RTL4: variants seen among roughly 807,000 people sequenced by gnomAD.
RTL4 encodes retrotransposon Gag like 4.
A neutral mutation model predicts 5.3 loss-of-function variants in RTL4; 4 were observed. That is an observed-to-expected ratio of 0.75 (90% CI 0.37 to 1.72). RTL4 has a LOEUF of 1.72. Among genes scored for constraint, RTL4 ranks in the 40% most tolerant of loss-of-function variants. The pLI, the probability that RTL4 is intolerant of heterozygous loss-of-function variation, is 0.04. For synonymous variants in RTL4, 98 were observed against 87.3 expected (o/e 1.12, Z -0.68); for missense variants, 260 against 227.1 (o/e 1.14, Z -0.93).
At chrX:112,416,824 T>C in the RTL4 span, among the ~76,000 whole-genome samples, 1 of 112,130 alleles carries the variant, frequency 8.9e-6, no homozygotes, top group Non-Finnish European at 1.9e-5. Context: ...AATCAGTACC[T>C]GTGTTTTGTA....
At chrX:112,215,406 C>A in the RTL4 span, among the ~76,000 whole-genome samples, 1 of 112,015 alleles carries the variant, frequency 8.9e-6, no homozygotes, top group Non-Finnish European at 1.9e-5. Context: ...AATGCCTATT[C>A]AGTTCCTTTG....
At chrX:112,325,885 T>G in the RTL4 span, among the ~76,000 whole-genome samples, 1 of 111,428 alleles carries the variant, frequency 9.0e-6, no homozygotes, top group Admixed American at 9.6e-5. Flanking sequence ...TGGGAGAAAA[T>G]GTTTGCAACC....
chrX:112,326,540 G>A, the RTL4 span, among the ~76,000 whole-genome samples: 3 of 112,027 alleles, frequency 2.7e-5, no homozygotes, highest in Non-Finnish European at 5.6e-5. Flanking sequence ...TAGCACAGCA[G>A]TCTCAGATCA....
At chrX:112,257,632 G>T in the RTL4 span, among the ~76,000 whole-genome samples, 3 of 109,206 alleles carry the variant, frequency 2.7e-5, no homozygotes, top group South Asian at 1.2e-3. Flanking sequence ...TTTGTTGCTG[G>T]GTCCTCAACT....
chrX:112,240,067 C>A, the RTL4 span, among the ~76,000 whole-genome samples: 5 of 111,857 alleles, frequency 4.5e-5, no homozygotes, highest in South Asian at 1.5e-3. Context: ...CATTAACAAA[C>A]CTTTTTAAAA....
At chrX:112,130,155 G>C in the RTL4 span, among the ~76,000 whole-genome samples, 1 of 111,217 alleles carries the variant, frequency 9.0e-6, no homozygotes, top group African/African-American at 3.3e-5. Flanking sequence ...ACATGGAAAT[G>C]TAAAGGGCCT....
At chrX:112,093,727 T>C in the RTL4 span, among the ~76,000 whole-genome samples, 1,485 of 112,076 alleles carry the variant, frequency 0.013, 38 homozygotes, top group African/African-American at 0.045. Flanking sequence ...CTGGAAAAAC[T>C]TTCCTACCAA....
chrX:112,336,546 T>G, the RTL4 span, among the ~76,000 whole-genome samples: 2 of 112,265 alleles, frequency 1.8e-5, no homozygotes, highest in Non-Finnish European at 3.8e-5. Context: ...ATGTTTTGCC[T>G]AAATTATTTA....
chrX:112,253,287 T>C, the RTL4 span, among the ~76,000 whole-genome samples: 26,487 of 110,649 alleles, frequency 0.24, 3,011 homozygotes, highest in African/African-American at 0.45. Context: ...AGCTGTTCAC[T>C]GTTTCATTGA....
chrX:112,347,069 G>T, the RTL4 span, among the ~76,000 whole-genome samples: 1 of 111,780 alleles, frequency 8.9e-6, no homozygotes. Flanking sequence ...CCCGTCTGAA[G>T]TCTGGCTTTG....
chrX:112,394,848 G>A, the RTL4 span, among the ~76,000 whole-genome samples: 1 of 111,916 alleles, frequency 8.9e-6, no homozygotes, highest in Non-Finnish European at 1.9e-5. Flanking sequence ...TTTATGGTTA[G>A]TATTAAATTT....
the RTL4 span, among the ~76,000 whole-genome samples, chrX:112,234,776 C>T: frequency 8.9e-6 from 1 of 111,798 alleles, no homozygotes; most frequent in Admixed American, 9.5e-5. Flanking sequence ...AGCATCACTC[C>T]CCTCCCAGTA....
chrX:112,089,756 A>T, the RTL4 span, among the ~76,000 whole-genome samples: 2,527 of 111,603 alleles, frequency 0.023, 84 homozygotes, highest in African/African-American at 0.078. Context: ...ATCCAAATGC[A>T]GATCAGCATT....
the RTL4 span, among the ~76,000 whole-genome samples, chrX:112,226,255 G>A: frequency 8.9e-6 from 1 of 111,897 alleles, no homozygotes; most frequent in Non-Finnish European, 1.9e-5. Context: ...CCAGTTTCAG[G>A]AATATCCTTT....
At chrX:112,412,175 A>T in the RTL4 span, among the ~76,000 whole-genome samples, 17 of 111,848 alleles carry the variant, frequency 1.5e-4, no homozygotes, top group South Asian at 3.3e-3. Flanking sequence ...AATGAAAACT[A>T]TAAAACACTG....
the RTL4 span, among the ~76,000 whole-genome samples, chrX:112,274,818 T>C: frequency 8.9e-6 from 1 of 111,865 alleles, no homozygotes; most frequent in African/African-American, 3.2e-5. Flanking sequence ...GAGACTCACT[T>C]CTTCAGTTCT....
chrX:112,236,418 TCTA>T, the RTL4 span, among the ~76,000 whole-genome samples: 1 of 58,084 alleles, frequency 1.7e-5, no homozygotes, highest in Non-Finnish European at 3.3e-5. Flanking sequence ...TAGATCTATA[TCTA>T]TATATAGATA....
chrX:112,184,547 A>G, the RTL4 span, among the ~76,000 whole-genome samples: 2 of 111,856 alleles, frequency 1.8e-5, no homozygotes, highest in Non-Finnish European at 3.8e-5. Context: ...AAGAGAGGAA[A>G]TCAATTCTAG....
chrX:112,138,327 T>C, the RTL4 span, among the ~76,000 whole-genome samples: 1 of 112,316 alleles, frequency 8.9e-6, no homozygotes, highest in Non-Finnish European at 1.9e-5. Context: ...ATCTACTGTA[T>C]AGCATAGTGT....
Sources: allele counts gnomAD v4.1 joint callset (sites outside exome capture counted in the v4.1 genomes callset), GRCh38; gene constraint gnomAD v4.1.1; transcripts MANE v1.5; gene names NCBI Gene and HGNC (gene_info 2026-07-23, HGNC 2026-07-21).